Variants in PYHIN1 observed in about 807,000 individuals in gnomAD.
The protein encoded by PYHIN1 is pyrin and HIN domain-containing protein 1.
A neutral mutation model predicts 43.7 loss-of-function variants in PYHIN1; 32 were observed. The observed-to-expected ratio is 0.73, with a 90% confidence interval of 0.55 to 0.98. The LOEUF is 0.98. PYHIN1 is among the 50% of genes least tolerant of loss of function. The pLI, the probability that PYHIN1 is intolerant of heterozygous loss-of-function variation, is 0.00. For synonymous variants in PYHIN1, 205 were observed against 203.1 expected (o/e 1.01, Z -0.08); for missense variants, 588 against 589.5 (o/e 1.00, Z 0.03).
chr1:158,987,077 T>G, the PYHIN1 span, among the ~76,000 whole-genome samples: 1 of 152,242 alleles, frequency 6.6e-6, no homozygotes, highest in Admixed American at 6.5e-5. Context: ...ACCTGTTATC[T>G]TTTTTGTTTG....
chr1:158,959,913 T>G (rs577916264), intron 7 of PYHIN1, among the ~76,000 whole-genome samples: 4 of 152,244 alleles, frequency 2.6e-5, no homozygotes, highest in Admixed American at 2.6e-4. Context: ...GATGGGGTAC[T>G]TACCTGCACT....
chr1:158,958,974 A>C (rs1488850783), intron 7 of PYHIN1, among the ~76,000 whole-genome samples: 1 of 151,584 alleles, frequency 6.6e-6, no homozygotes, highest in African/African-American at 2.4e-5. Context: ...TGTTGAGCTG[A>C]TAAGTGTTGT....
intron 7 of PYHIN1, among the ~76,000 whole-genome samples, chr1:158,967,990 C>T (rs890620604): frequency 2.0e-5 from 3 of 151,788 alleles, no homozygotes; most frequent in Non-Finnish European, 2.9e-5. Context: ...CTATAAAAAC[C>T]CTGGAAGATG....
intron 7 of PYHIN1, among the ~76,000 whole-genome samples, chr1:158,962,603 C>T (rs1009294692): frequency 9.2e-5 from 14 of 152,356 alleles, no homozygotes; most frequent in Middle Eastern, 3.4e-3. Flanking sequence ...CAACCCACAA[C>T]TCCTCCACCA....
Position 158,941,973 on chromosome 1 carries a change from G to C in PYHIN1, c.580-4G>C. 6 of 1,584,766 alleles carry C rather than the reference G, an allele frequency of 3.8e-6. No homozygotes were observed. The highest frequency in any genetic ancestry group is 5.1e-6 in the Non-Finnish European group (6 of 1,167,778). ...TTTTTGTATTCCTTTTGTATCATGC[G>C]CAGAGCCTAAAACCATTGGCCAACC... On this transcript the variant is annotated splice_region_variant and splice_polypyrimidine_tract_variant and intron_variant, in intron 4 of 8. Transcript: ENST00000368140.
At chr1:158,948,604 C>T (rs1649352297) in intron 7 of PYHIN1, among the ~76,000 whole-genome samples, 1 of 152,176 alleles carries the variant, frequency 6.6e-6, no homozygotes, top group South Asian at 2.1e-4. Flanking sequence ...TTATTAGACA[C>T]ATTTCTGGCC....
chr1:158,982,283 A>AG, the PYHIN1 span, among the ~76,000 whole-genome samples: 2 of 151,610 alleles, frequency 1.3e-5, no homozygotes, highest in African/African-American at 4.9e-5. Flanking sequence ...TACATATATA[A>AG]GTTTTTTTTA....
chr1:158,941,856 C>A (rs1557826230), intron 4 of PYHIN1, 121 bp from the exon 5 acceptor site: 10 of 852,044 alleles, frequency 1.2e-5, no homozygotes, highest in Admixed American at 3.1e-5. Flanking sequence ...GTATCCTGGC[C>A]CCAGCTCTAC....
At chr1:158,962,179 A>T (rs866004880) in intron 7 of PYHIN1, among the ~76,000 whole-genome samples, 2 of 151,980 alleles carry the variant, frequency 1.3e-5, no homozygotes, top group Admixed American at 6.5e-5. Flanking sequence ...AAGTGGCCAG[A>T]CTGTTTTATA....
At chr1:158,970,197 A>C (rs1035667543) in intron 7 of PYHIN1, among the ~76,000 whole-genome samples, 4 of 152,150 alleles carry the variant, frequency 2.6e-5, no homozygotes, top group Non-Finnish European at 5.9e-5. Flanking sequence ...AATAATCAGC[A>C]ATGATTTAAA....
At chr1:158,961,559 A>AG (rs1422319931) in intron 7 of PYHIN1, among the ~76,000 whole-genome samples, 1 of 151,990 alleles carries the variant, frequency 6.6e-6, no homozygotes, top group African/African-American at 2.4e-5. Context: ...TGGAGAATAG[A>AG]GAAGAGTGAG....
chr1:158,963,519 A>G (rs1650446637), intron 7 of PYHIN1, among the ~76,000 whole-genome samples: 1 of 152,152 alleles, frequency 6.6e-6, no homozygotes, highest in African/African-American at 2.4e-5. Context: ...CAAGATCTGG[A>G]GCCAGTACTC....
At chr1:158,971,350 C>A (rs897243664) in intron 7 of PYHIN1, among the ~76,000 whole-genome samples, 2 of 151,852 alleles carry the variant, frequency 1.3e-5, no homozygotes, top group African/African-American at 4.8e-5. Context: ...AGTAGAACGT[C>A]CTTAAGTGCT....
At chr1:158,961,326 T>G (rs1439389150) in intron 7 of PYHIN1, among the ~76,000 whole-genome samples, 4 of 152,098 alleles carry the variant, frequency 2.6e-5, no homozygotes, top group African/African-American at 9.7e-5. Flanking sequence ...TTACACTAAC[T>G]TGATGATGTC....
At chr1:158,954,897 A>G (rs1407131645) in intron 7 of PYHIN1, among the ~76,000 whole-genome samples, 1 of 150,372 alleles carries the variant, frequency 6.7e-6, no homozygotes, top group African/African-American at 2.4e-5. Flanking sequence ...AAATAAAAGG[A>G]TGGAGGAAGA....
rs377019476 is a variant in PYHIN1, at chr1:158,933,857, G to A, written c.-21+2081G>A. On this transcript the variant is annotated intron_variant, in intron 1 of 8. Transcript: ENST00000368140. This position sits in a 1 kb window ranked among gnomAD's most constrained non-coding sequence, Gnocchi z 6.3. Reference sequence around the variant, plus strand: ...GTCATAGGCACACATAATCAAGTTCGTTTTTCATTCTTACTTGTCTTTTGG... The same window carrying A: ...GTCATAGGCACACATAATCAAGTTCATTTTTCATTCTTACTTGTCTTTTGG... 1.4e-3 allele frequency among the ~76,000 whole-genome samples: 215 copies of A among 151,648 alleles called. 1 individual carries two copies. Among genetic ancestry groups the A allele is most frequent in the Non-Finnish European group, 2.4e-3 (165 of 67,824 alleles).
At chr1:158,973,607 A>G (rs1363528174) in intron 7 of PYHIN1, 40 bp from the exon 8 acceptor site, 2 of 1,609,896 alleles carry the variant, frequency 1.2e-6, no homozygotes, top group Non-Finnish European at 1.7e-6. Context: ...TCTTTCTGTC[A>G]TAAAGTGAAA....
At chr1:158,956,763 G>T (rs1333123862) in intron 7 of PYHIN1, among the ~76,000 whole-genome samples, 3 of 148,674 alleles carry the variant, frequency 2.0e-5, no homozygotes, top group Non-Finnish European at 4.5e-5. Context: ...GGGCAATTAG[G>T]CAGGAGAAGG....
Position 158,937,013 on chromosome 1 carries a change from C to T in PYHIN1, c.103C>T (p.Leu35Phe). The change falls in exon 2 of 9, where the codon CTT (leucine) becomes TTT (phenylalanine). Residue 35 changes from leucine to phenylalanine, a missense_variant. Transcript: ENST00000368140. ...GTCCTTACTGAGTAACGATTTAAAA[C>T]TTAATCCAAAAATGAAAGAAGAGTA... ...VKSLLSNDLK[L>F]NPKMKEEYDK... The T allele has an allele frequency of 6.2e-7, 1 of 1,613,958 alleles. No homozygotes were observed. The highest frequency in any genetic ancestry group is 8.5e-7 in the Non-Finnish European group (1 of 1,179,926).
Sources: gnomAD v4.1 joint callset for allele counts (sites outside exome capture counted in the v4.1 genomes callset) on GRCh38, gnomAD v4.1.1 for gene constraint, Gnocchi (gnomAD v3.1) non-coding constraint, MANE v1.5 for transcripts, NCBI Gene and HGNC (gene_info 2026-07-23, HGNC 2026-07-21) for gene names.